FBXO4: variants seen among roughly 807,000 people sequenced by gnomAD.
The protein encoded by FBXO4 is F-box only protein 4.
In FBXO4, 36 loss-of-function variants were observed where a neutral mutation model predicts 43.7. The ratio of observed to expected loss-of-function variants is 0.82; its 90% CI spans 0.63 to 1.09. The LOEUF (loss-of-function observed/expected upper bound fraction) is 1.09, where lower values mean the gene tolerates loss of function less well. Ranked by LOEUF, FBXO4 falls within the 50% of genes least tolerant of loss-of-function variation. The probability of loss-of-function intolerance (pLI) is 0.00; values close to 1 mark genes in which losing one functional copy is unlikely to be tolerated. For missense variants in FBXO4, 435 were observed against 474.1 expected (o/e 0.92, Z 0.77); for synonymous variants, 180 against 165.6 (o/e 1.09, Z -0.67).
chr5:41,995,820 A>G, the FBXO4 span, among the ~76,000 whole-genome samples: 1 of 152,154 alleles, frequency 6.6e-6, no homozygotes, highest in African/African-American at 2.4e-5. Flanking sequence ...ACCATTCTCT[A>G]CAGCCCATGA....
chr5:41,973,498 G>A, the FBXO4 span, among the ~76,000 whole-genome samples: 1 of 152,138 alleles, frequency 6.6e-6, no homozygotes, highest in Non-Finnish European at 1.5e-5. Flanking sequence ...GCAACATGGT[G>A]AGATCCTGTT....
chr5:41,977,063 G>A, the FBXO4 span, among the ~76,000 whole-genome samples: 1 of 152,184 alleles, frequency 6.6e-6, no homozygotes, highest in Non-Finnish European at 1.5e-5. Flanking sequence ...CTGGGATGTG[G>A]GGAGCAGTGT....
the FBXO4 span, among the ~76,000 whole-genome samples, chr5:41,981,898 C>G: frequency 4.3e-5 from 6 of 138,498 alleles, no homozygotes; most frequent in Admixed American, 2.9e-4. Context: ...ATCCCTCCCC[C>G]CTCCCCTCAC....
At chr5:42,023,948 G>A in the FBXO4 span, among the ~76,000 whole-genome samples, 1 of 151,948 alleles carries the variant, frequency 6.6e-6, no homozygotes, top group African/African-American at 2.4e-5. Flanking sequence ...CTTCCCCTCT[G>A]ATCAGGTTTG....
chr5:41,957,619 C>G, the FBXO4 span, among the ~76,000 whole-genome samples: 2 of 151,298 alleles, frequency 1.3e-5, no homozygotes, highest in Non-Finnish European at 2.9e-5. Context: ...GGTTTCAATT[C>G]TATGATAAAA....
At chr5:42,033,503 C>T in the FBXO4 span, among the ~76,000 whole-genome samples, 1 of 152,134 alleles carries the variant, frequency 6.6e-6, no homozygotes, top group Middle Eastern at 3.4e-3. Flanking sequence ...GTTTTAAGCC[C>T]CGTATGCATT....
chr5:42,035,015 C>T, the FBXO4 span, among the ~76,000 whole-genome samples: 1 of 151,808 alleles, frequency 6.6e-6, no homozygotes, highest in Non-Finnish European at 1.5e-5. Flanking sequence ...TTGTTTGTGT[C>T]CTCTCTTATT....
At chr5:41,958,857 A>G in the FBXO4 span, among the ~76,000 whole-genome samples, 1 of 152,204 alleles carries the variant, frequency 6.6e-6, no homozygotes, top group South Asian at 2.1e-4. Context: ...TGCGACAAAT[A>G]AGGGAGTGCA....
the FBXO4 span, among the ~76,000 whole-genome samples, chr5:42,007,230 C>A: frequency 3.3e-5 from 5 of 151,282 alleles, no homozygotes; most frequent in Admixed American, 1.3e-4. Flanking sequence ...CAGAGTGAGG[C>A]CCTGTCTCTA....
At chr5:41,928,040 T>A (rs909615860) in intron 2 of FBXO4, among the ~76,000 whole-genome samples, 2 of 151,844 alleles carry the variant, frequency 1.3e-5, no homozygotes, top group Admixed American at 6.6e-5. Flanking sequence ...AAATACAGAA[T>A]TTTTTTTTCA....
rs60098944 is a variant in FBXO4 at position 41,936,699 on chromosome 5, A to G, written c.898+2391A>G. On this transcript the variant is annotated intron_variant, in intron 5 of 6. Transcript: ENST00000281623. ...CAGATGAATAGTTCCTTCAGTGGGC[A>G]TATTAGCAAAGGAAAGAATCATTGA... Among the ~76,000 whole-genome samples, 1,262 of 152,318 alleles carry G rather than the reference A, an allele frequency of 8.3e-3. 22 individuals carry two copies. Among genetic ancestry groups the G allele is most frequent in the African/African-American group, 0.029 (1,213 of 41,570 alleles).
downstream of FBXO4, among the ~76,000 whole-genome samples, chr5:41,943,962 C>T (rs116676042): frequency 0.012 from 1,821 of 152,246 alleles, 13 homozygotes; most frequent in Non-Finnish European, 0.019. Flanking sequence ...GAGAAGGTGG[C>T]CATCTGCAAG....
At chr5:41,948,875 C>T in the FBXO4 span, among the ~76,000 whole-genome samples, 1 of 151,984 alleles carries the variant, frequency 6.6e-6, no homozygotes, top group Non-Finnish European at 1.5e-5. Flanking sequence ...ACTATCAGGT[C>T]GGCTTCATCC....
the FBXO4 span, among the ~76,000 whole-genome samples, chr5:41,990,816 T>C: frequency 6.6e-6 from 1 of 152,218 alleles, no homozygotes; most frequent in Non-Finnish European, 1.5e-5. Context: ...CTAATTTTAA[T>C]ATTAGGCCAG....
chr5:41,927,219 T>C lies in FBXO4; in HGVS notation c.396T>C (p.Thr132=), dbSNP rs1009163577. The C allele has an allele frequency of 7.5e-6, 12 of 1,605,838 alleles. No individual in the cohort carries two copies. Among genetic ancestry groups the C allele is most frequent in the South Asian group, 1.1e-5 (1 of 89,280 alleles). Residue 132 remains threonine, a synonymous_variant, in exon 2 of 7, where the codon ACT becomes ACC. Coordinates refer to ENST00000281623, the MANE Select transcript of FBXO4 (RefSeq NM_012176.3). ...TAAAAAAGCCTATATCTGAGGTCACTGATGGTGCATTTTTTGACTACATGG... is the reference window on the plus strand; with the variant it reads ...TAAAAAAGCCTATATCTGAGGTCACCGATGGTGCATTTTTTGACTACATGG... ...EILKKPISEV[T]DGAFFDYMAV... is the part of the protein sequence containing the mutation.
chr5:41,927,249 G>T lies in FBXO4; in HGVS notation c.425+1G>T. ...GTGCATTTTTTGACTACATGGCAGT[G>T]TAAGTATCTAGTTTTATGAATTAAA... On this transcript the variant is annotated splice_donor_variant, in intron 2 of 6. Coordinates refer to ENST00000281623, the MANE Select transcript of FBXO4 (RefSeq NM_012176.3). LOFTEE classifies it high-confidence loss of function. 1.3e-6 allele frequency: 2 copies of T among 1,565,140 alleles called. No homozygotes were observed. Among genetic ancestry groups the T allele is most frequent in the South Asian group, 1.2e-5 (1 of 84,020 alleles).
chr5:41,930,087 A>C, intron 3 of FBXO4, 170 bp downstream of exon 3: 1 of 558,386 alleles, frequency 1.8e-6, no homozygotes, highest in Non-Finnish European at 3.1e-6. Context: ...TTTACTTACT[A>C]TAAGAAAGCT....
chr5:41,972,087 A>C, the FBXO4 span, among the ~76,000 whole-genome samples: 1 of 152,148 alleles, frequency 6.6e-6, no homozygotes, highest in Non-Finnish European at 1.5e-5. Context: ...AGTCCTAGCC[A>C]GAGCAATCAG....
chr5:42,023,453 C>G, the FBXO4 span, among the ~76,000 whole-genome samples: 1 of 152,026 alleles, frequency 6.6e-6, no homozygotes. Context: ...ATCCTAGTAG[C>G]TTTGTTCCTC....
Sources: allele counts gnomAD v4.1 joint callset (sites outside exome capture counted in the v4.1 genomes callset), GRCh38; gene constraint gnomAD v4.1.1; transcripts MANE v1.5; gene names NCBI Gene and HGNC (gene_info 2026-07-23, HGNC 2026-07-21).